TRPM1: variants seen among roughly 807,000 people sequenced by gnomAD.
The protein encoded by TRPM1 is TRPM1-203 APA Isoform, Intron 10.
TRPM1 carries 113 observed loss-of-function variants against 149.4 expected under a neutral mutation model. That is an observed-to-expected ratio of 0.76 (90% CI 0.65 to 0.88). The LOEUF is 0.88. TRPM1 is among the 40% of genes least tolerant of loss of function. The probability of loss-of-function intolerance (pLI) is 0.00; values close to 1 mark genes in which losing one functional copy is unlikely to be tolerated. For missense variants in TRPM1, 1,976 were observed against 2,038.7 expected, an observed-to-expected ratio of 0.97 and a Z score of 0.59; for synonymous variants, 741 against 759.5, an observed-to-expected ratio of 0.98 and a Z score of 0.40.
At chr15:31,020,151 C>T (rs2032507471) in intron 27 of TRPM1, among the ~76,000 whole-genome samples, 1 of 152,242 alleles carries the variant, frequency 6.6e-6, no homozygotes, top group African/African-American at 2.4e-5. Flanking sequence ...TGGTTATGTT[C>T]TGTTTTCTAT....
At chr15:31,021,702 T>TAAAAAAAA (rs34186876) in intron 27 of TRPM1, among the ~76,000 whole-genome samples, 1 of 119,362 alleles carries the variant, frequency 8.4e-6, no homozygotes. Flanking sequence ...TCTCTAGAAT[T>TAAAAAAAA]AAAAAAAAAA....
rs745740197 is a variant in TRPM1 at position 31,002,165 on chromosome 15, G to C, written c.4535C>G (p.Ser1512Trp). ...SHSTDIPYIV[S>W]EAAVQAEHKE... ...ATGCTCAGCTTGCACTGCAGCTTCC[G>C]ACACAATGTAAGGAATATCTGTGCT... Residue 1512 changes from serine (S) to tryptophan (W), a missense_variant, in exon 28 of 28, where the codon TCG becomes TGG. Coordinates refer to ENST00000256552, the MANE Select transcript of TRPM1 (RefSeq NM_001252024.2). 3 of 1,614,060 alleles carry C rather than the reference G, an allele frequency of 1.9e-6. No homozygotes were observed. The highest frequency in any genetic ancestry group is 2.5e-6 in the Non-Finnish European group (3 of 1,180,050).
chr15:31,035,605 G>C lies in TRPM1; in HGVS notation c.2641C>G (p.Leu881Val), dbSNP rs768749520. 4.3e-6 allele frequency: 7 copies of C among 1,614,204 alleles called. No homozygotes were observed. In the South Asian group the frequency reaches 7.7e-5, roughly 18 times the overall value. The change falls in exon 21 of 28, where the codon CTC becomes GTC. Residue 881 changes from leucine to valine, a missense_variant. Around this residue, in one of 3 missense-constraint regions of TRPM1, gnomAD observed 1,332 missense variants for 1,347.1 expected, o/e 0.99. Coordinates refer to ENST00000256552, the MANE Select transcript of TRPM1 (RefSeq NM_001252024.2). ...TAGGAGATGACGATCCACTCCTGGA[G>C]GGACGGCCAGCCATCCATCCGCACC... is the stretch of plus-strand genomic sequence containing the variant. ...ILVRMDGWPS[L>V]QEWIVISYIV...
intron 22 of TRPM1, chr15:31,031,436 A>C: frequency 2.0e-6 from 1 of 510,250 alleles, no homozygotes; most frequent in Non-Finnish European, 3.5e-6. Context: ...TCCCTTAGTA[A>C]CTACAACTGC....
chr15:31,152,652 CGT>C (rs2036319516), intron 1 of TRPM1, among the ~76,000 whole-genome samples: 1 of 152,124 alleles, frequency 6.6e-6, no homozygotes, highest in South Asian at 2.1e-4. Flanking sequence ...ACAGAGACTA[CGT>C]GTGTGTGAGA....
intron 1 of TRPM1, among the ~76,000 whole-genome samples, chr15:31,157,690 A>T (rs964640162): frequency 3.9e-5 from 6 of 152,242 alleles, no homozygotes; most frequent in African/African-American, 1.4e-4. Flanking sequence ...AAGGGTCCCC[A>T]GTGTCCCCAG....
rs202224865 is a variant in TRPM1, at chr15:31,047,949, A to G, written c.1573-10T>C. ...TTGGTGGACCCAGTCTCTGAAAGAG[A>G]AGCATTCATGTGTGTTAAATATGTT... On this transcript the variant is annotated splice_polypyrimidine_tract_variant and intron_variant, in intron 13 of 27. Transcript: ENST00000256552. 3,234 of 1,613,260 alleles carry G rather than the reference A, an allele frequency of 2.0e-3. 2 individuals carry two copies. The highest frequency in any genetic ancestry group is 2.4e-3 in the Non-Finnish European group (2,854 of 1,179,218).
intron 1 of TRPM1, among the ~76,000 whole-genome samples, chr15:31,084,660 CTTTCTTTTTTCT>C (rs1270450433): frequency 6.7e-6 from 1 of 148,376 alleles, no homozygotes; most frequent in Non-Finnish European, 1.5e-5. Flanking sequence ...TTCTCTCTTT[CTTTCTTTTTTCT>C]TTTCTTTTTT....
intron 1 of TRPM1, among the ~76,000 whole-genome samples, chr15:31,092,324 C>T (rs1487380406): frequency 1.3e-5 from 2 of 151,908 alleles, no homozygotes; most frequent in East Asian, 3.9e-4. Flanking sequence ...ACCACCAGCT[C>T]TCCTGGTTTT....
At chr15:31,091,708 AC>A (rs1432258712) in intron 1 of TRPM1, among the ~76,000 whole-genome samples, 1 of 152,048 alleles carries the variant, frequency 6.6e-6, no homozygotes, top group Non-Finnish European at 1.5e-5. Context: ...GGCTGTCCTG[AC>A]CCAGTGTGGT....
rs565305511 is a variant in TRPM1, at chr15:31,009,380, C to T, written c.3630-6310G>A. On this transcript the variant is annotated intron_variant, in intron 27 of 27. Transcript: ENST00000256552. ...AAACATAGTGCTACTTCCTTCTGAC[C>T]TCCAAGGTTTCTGATGAGAAATCTG... Among the ~76,000 whole-genome samples, 15 of 152,202 alleles carry T rather than the reference C, an allele frequency of 9.9e-5. 2 individuals are homozygous for T. In the South Asian group the frequency reaches 3.1e-3, roughly 32 times the overall value.
At chr15:31,082,872 TC>T (rs2034899404) in intron 1 of TRPM1, among the ~76,000 whole-genome samples, 1 of 152,068 alleles carries the variant, frequency 6.6e-6, no homozygotes, top group African/African-American at 2.4e-5. Context: ...GGAGAAGTCT[TC>T]CCCTGAAGGG....
chr15:31,107,655 A>G (rs1031474932), intron 1 of TRPM1, among the ~76,000 whole-genome samples: 20 of 151,832 alleles, frequency 1.3e-4, no homozygotes, highest in African/African-American at 4.6e-4. Context: ...TAGGTTATTT[A>G]TTTGAGATCT....
upstream of TRPM1, among the ~76,000 whole-genome samples, chr15:31,102,864 G>A (rs75820112): frequency 0.022 from 3,412 of 152,326 alleles, 61 homozygotes; most frequent in Non-Finnish European, 0.033. Flanking sequence ...CACAATGACC[G>A]CAGCAGCCTC....
chr15:31,100,982 A>G (rs1302514026), intron 1 of TRPM1, among the ~76,000 whole-genome samples: 1 of 152,086 alleles, frequency 6.6e-6, no homozygotes, highest in Non-Finnish European at 1.5e-5. Context: ...CCTTCCAGAA[A>G]CCAGTTTGCA....
At position 31,047,137 on chromosome 15, in the gene TRPM1, A is replaced by G. The variant is rs769838627; in HGVS notation, c.1738T>C (p.Tyr580His). ...CTCTTTGGTCCAAACAAGTTGTTGT[A>G]AAGGGTCCGAAAGTTTTTCCGAGTG... ...NYTRKNFRTLYNNLFGPKRPK... is the reference protein window; with the variant it reads ...NYTRKNFRTLHNNLFGPKRPK... The change falls in exon 15 of 28, where the codon TAC (tyrosine) becomes CAC (histidine). Residue 580 changes from tyrosine to histidine, a missense_variant. Coordinates refer to ENST00000256552, the MANE Select transcript of TRPM1 (RefSeq NM_001252024.2). The G allele has an allele frequency of 6.2e-7, 1 of 1,614,242 alleles. No homozygotes were observed. The highest frequency in any genetic ancestry group is 8.5e-7 in the Non-Finnish European group (1 of 1,180,042).
At chr15:31,107,461 C>A (rs1424602315) in intron 1 of TRPM1, among the ~76,000 whole-genome samples, 1 of 152,096 alleles carries the variant, frequency 6.6e-6, no homozygotes, top group Admixed American at 6.5e-5. Flanking sequence ...GTTTAGATGG[C>A]CAGTCTAGCT....
upstream of TRPM1, among the ~76,000 whole-genome samples, chr15:31,104,887 C>T (rs1223451778): frequency 2.0e-5 from 3 of 151,954 alleles, no homozygotes; most frequent in Non-Finnish European, 4.4e-5. Flanking sequence ...AGCCACCATG[C>T]CCAGCTGCAA....
chr15:31,054,830 C>A (rs191492688), intron 11 of TRPM1, among the ~76,000 whole-genome samples: 165 of 152,230 alleles, frequency 1.1e-3, no homozygotes, highest in African/African-American at 3.9e-3. Context: ...TTTTCAAGTG[C>A]ACTATACATT....
Sources: gnomAD v4.1 joint callset for allele counts (sites outside exome capture counted in the v4.1 genomes callset) on GRCh38, gnomAD v4.1.1 for gene constraint, gnomAD v4.1.1 regional missense constraint, MANE v1.5 for transcripts, NCBI Gene and HGNC (gene_info 2026-07-23, HGNC 2026-07-21) for gene names.